Variants in PAH observed in about 807,000 individuals in gnomAD.
PAH encodes the protein phenylalanine-4-hydroxylase.
Under a neutral mutation model 62.0 loss-of-function variants are expected in PAH, and 64 were observed. The ratio of observed to expected loss-of-function variants is 1.03; its 90% CI spans 0.84 to 1.27. PAH has a LOEUF of 1.27. Among genes scored for constraint, PAH ranks in the 50% most tolerant of loss-of-function variants. The probability of loss-of-function intolerance (pLI) is 0.00; values close to 1 mark genes in which losing one functional copy is unlikely to be tolerated. For missense variants in PAH, 579 were observed against 542.8 expected (o/e 1.07, Z -0.66); for synonymous variants, 195 against 196.2 (o/e 0.99, Z 0.05).
chr12:102,917,311 G>C, upstream of PAH: 1 of 656,384 alleles, frequency 1.5e-6, no homozygotes. Flanking sequence ...TTGTCCTGAC[G>C]CAGGAGGCCA....
chr12:102,921,233 C>G (rs1441541918), upstream of PAH, among the ~76,000 whole-genome samples: 1 of 152,148 alleles, frequency 6.6e-6, no homozygotes, highest in Non-Finnish European at 1.5e-5. Flanking sequence ...AAGCTGGTGT[C>G]TTGTTGTTTT....
chr12:102,915,488 A>C lies in PAH; in HGVS notation c.60+1583T>G, dbSNP rs1237130995. The stretch of plus-strand genomic sequence containing the variant: ...CCCTTTGCTATGGACATAATATGGG[A>C]ATTTAGTCCTGTTTCTTGCAAAGTA... On this transcript the variant is annotated intron_variant, in intron 1 of 12. Coordinates refer to ENST00000553106, the MANE Select transcript of PAH (RefSeq NM_000277.3). Among the ~76,000 whole-genome samples, 4 of 152,198 alleles carry C rather than the reference A, an allele frequency of 2.6e-5. No individual in the cohort carries two copies. The East Asian group carries it at 7.7e-4, about 29-fold the overall frequency.
chr12:102,882,642 CTATATATATATATATATATA>C (rs869088873), intron 3 of PAH, among the ~76,000 whole-genome samples: 9 of 85,868 alleles, frequency 1.0e-4, no homozygotes, highest in South Asian at 8.3e-4. Flanking sequence ...TATATATACA[CTATATATATATATATATATA>C]TATATATATA....
intron 5 of PAH, among the ~76,000 whole-genome samples, chr12:102,863,611 T>G (rs188575532): frequency 2.0e-5 from 3 of 152,184 alleles, no homozygotes; most frequent in African/African-American, 7.2e-5. Context: ...GGACCTCTAA[T>G]TGAGTTGGCG....
chr12:102,955,295 A>G (rs1262676919), upstream of PAH, among the ~76,000 whole-genome samples: 1 of 152,130 alleles, frequency 6.6e-6, no homozygotes, highest in Non-Finnish European at 1.5e-5. Context: ...CTACCAGCAA[A>G]TTTTCTAAGC....
chr12:102,860,031 A>G (rs1004571199), intron 5 of PAH, among the ~76,000 whole-genome samples: 1 of 152,066 alleles, frequency 6.6e-6, no homozygotes, highest in African/African-American at 2.4e-5. Flanking sequence ...AAAAGAGGAA[A>G]TCAAATTGTC....
chr12:102,852,711 T>C, intron 7 of PAH, 104 bp downstream of exon 7: 1 of 1,392,242 alleles, frequency 7.2e-7, no homozygotes, highest in Non-Finnish European at 1.0e-6. Flanking sequence ...TCTAGACAAC[T>C]AGTCCTGTGG....
At chr12:102,866,802 C>T (rs1219250387) in intron 4 of PAH, 139 bp from the exon 5 acceptor site, 6 of 754,968 alleles carry the variant, frequency 7.9e-6, no homozygotes, top group Admixed American at 7.7e-5. Context: ...ACTAAAGTCT[C>T]GGTTAAACTT....
chr12:102,903,316 G>A (rs1877836336), intron 2 of PAH, among the ~76,000 whole-genome samples: 1 of 150,664 alleles, frequency 6.6e-6, no homozygotes, highest in African/African-American at 2.5e-5. Context: ...GGCTGAGATC[G>A]TACCAATGCA....
chr12:102,867,686 T>C (rs576202178), intron 4 of PAH, among the ~76,000 whole-genome samples: 1 of 152,124 alleles, frequency 6.6e-6, no homozygotes, highest in South Asian at 2.1e-4. Flanking sequence ...AACAAAAGCT[T>C]ATGTCACAGA....
chr12:102,851,971 G>A, intron 7 of PAH: 1 of 547,326 alleles, frequency 1.8e-6, no homozygotes, highest in South Asian at 2.0e-5. Context: ...AGAGACAGGT[G>A]CAGGGTAGGG....
At chr12:102,895,869 A>AAAAAAAATATATATAT (rs953209518) in intron 2 of PAH, among the ~76,000 whole-genome samples, 1 of 118,742 alleles carries the variant, frequency 8.4e-6, no homozygotes, top group African/African-American at 3.6e-5. Flanking sequence ...AAAAAAAAAA[A>AAAAAAAATATATATAT]ATATATATAT....
At chr12:102,858,388 C>A (rs945141953) in intron 5 of PAH, among the ~76,000 whole-genome samples, 1 of 152,206 alleles carries the variant, frequency 6.6e-6, no homozygotes, top group Non-Finnish European at 1.5e-5. Flanking sequence ...GAGCGTTTAA[C>A]ACCCCACTGT....
chr12:102,929,228 A>G (rs966505315), intron 1 of PAH, among the ~76,000 whole-genome samples: 3 of 152,206 alleles, frequency 2.0e-5, no homozygotes, highest in African/African-American at 7.2e-5. Flanking sequence ...CTTTATTAGC[A>G]GCATGAGAAT....
upstream of PAH, chr12:102,950,906 C>A (rs1433508416): frequency 6.6e-6 from 1 of 151,432 alleles, no homozygotes; most frequent in Non-Finnish European, 1.5e-5. Flanking sequence ...CGTCACAATG[C>A]CGTCTGACCC....
chr12:102,919,467 GTATTTTTAAATGTATAATTAAAT>G (rs1421537271), upstream of PAH, among the ~76,000 whole-genome samples: 13 of 152,014 alleles, frequency 8.6e-5, no homozygotes, highest in African/African-American at 2.7e-4. Context: ...ACTCTTTCAG[GTATTTTTAAATGTATAATTAAAT>G]TATTTTGACT....
intron 11 of PAH, among the ~76,000 whole-genome samples, chr12:102,843,205 C>G (rs1006360877): frequency 2.0e-5 from 3 of 152,122 alleles, no homozygotes; most frequent in Non-Finnish European, 4.4e-5. Context: ...TACAGACGCA[C>G]TGGTGGCAGG....
At chr12:102,909,150 C>T (rs906512451) in intron 2 of PAH, among the ~76,000 whole-genome samples, 12 of 152,088 alleles carry the variant, frequency 7.9e-5, no homozygotes, top group African/African-American at 2.9e-4. Context: ...CCTCTTTAAG[C>T]TCCTCTCGGC....
chr12:102,915,077 C>T (rs541143210), intron 1 of PAH: 1 of 152,406 alleles, frequency 6.6e-6, no homozygotes, highest in Non-Finnish European at 1.5e-5. Context: ...CCTACAGGAA[C>T]CTCCTTTCCA....
Sources: gnomAD v4.1 joint callset for allele counts (sites outside exome capture counted in the v4.1 genomes callset) on GRCh38, gnomAD v4.1.1 for gene constraint, MANE v1.5 for transcripts, NCBI Gene and HGNC (gene_info 2026-07-23, HGNC 2026-07-21) for gene names.